AP3S1: variants seen among roughly 807,000 people sequenced by gnomAD.
AP3S1 encodes the protein AP-3 complex subunit sigma-1.
In AP3S1, 12 loss-of-function variants were observed where a neutral mutation model predicts 21.3. The ratio of observed to expected loss-of-function variants is 0.56; its 90% CI spans 0.36 to 0.91. The LOEUF (loss-of-function observed/expected upper bound fraction) is 0.91. AP3S1 is among the 40% of genes least tolerant of loss of function. The pLI, the probability that AP3S1 is intolerant of heterozygous loss-of-function variation, is 0.01. For synonymous variants in AP3S1, 48 were observed against 78.4 expected (o/e 0.61, Z 2.05); for missense variants, 116 against 225.0 (o/e 0.52, Z 3.10).
intron 5 of AP3S1, chr5:115,903,677 A>G (rs1046842323): frequency 2.0e-5 from 3 of 152,206 alleles, no homozygotes; most frequent in Admixed American, 6.5e-5. Context: ...TAAATGAGGA[A>G]CAGCCAGCAC....
intron 4 of AP3S1, among the ~76,000 whole-genome samples, chr5:115,896,350 G>C (rs1750753180): frequency 6.6e-6 from 1 of 152,156 alleles, no homozygotes; most frequent in Non-Finnish European, 1.5e-5. Context: ...ATTTTGGACA[G>C]TGTACTTAAG....
At position 115,865,861 on chromosome 5, in the gene AP3S1, C is replaced by T. The variant is rs146475070; in HGVS notation, c.70-809C>T. Among the ~76,000 whole-genome samples the T allele has an allele frequency of 1.3e-3, 196 of 152,232 alleles. 1 individual carries two copies. Among genetic ancestry groups the T allele is most frequent in the African/African-American group, 4.2e-3 (175 of 41,538 alleles). ...GTCGCCAGGCTGGAGTGCAGTGGCGCGATCTCAGCTCACTGTAATCTCTGC... is the reference window on the plus strand; with the variant it reads ...GTCGCCAGGCTGGAGTGCAGTGGCGTGATCTCAGCTCACTGTAATCTCTGC... On this transcript the variant is annotated intron_variant, in intron 1 of 5. Transcript: ENST00000316788.
chr5:115,903,185 G>C (rs921634847), intron 5 of AP3S1, 193 bp downstream of exon 5: 2 of 414,564 alleles, frequency 4.8e-6, no homozygotes, highest in East Asian at 1.0e-4. Context: ...CAACAGCTTT[G>C]TGTATTCTTC....
intron 5 of AP3S1, among the ~76,000 whole-genome samples, chr5:115,905,862 A>C (rs1751603899): frequency 6.6e-6 from 1 of 152,212 alleles, no homozygotes; most frequent in South Asian, 2.1e-4. Context: ...GACAAACTTA[A>C]TGACTTGTTT....
At chr5:115,881,401 C>A (rs964380027) in intron 3 of AP3S1, among the ~76,000 whole-genome samples, 4 of 152,126 alleles carry the variant, frequency 2.6e-5, no homozygotes, top group African/African-American at 9.7e-5. Context: ...CTGGTGGTGA[C>A]AAAATCTCTC....
chr5:115,881,609 A>G (rs532853880), intron 3 of AP3S1, among the ~76,000 whole-genome samples: 4 of 152,156 alleles, frequency 2.6e-5, no homozygotes, highest in Admixed American at 6.5e-5. Context: ...GGGTAACCCA[A>G]CCTTTCTCTC....
chr5:115,891,489 T>C (rs1750294992), intron 3 of AP3S1, among the ~76,000 whole-genome samples: 1 of 152,186 alleles, frequency 6.6e-6, no homozygotes. Flanking sequence ...TTGGGATTCT[T>C]GTGACCCCCC....
At chr5:115,895,419 C>T (rs529341666) in intron 4 of AP3S1, among the ~76,000 whole-genome samples, 41 of 152,226 alleles carry the variant, frequency 2.7e-4, no homozygotes, top group Non-Finnish European at 5.1e-4. Flanking sequence ...GGGGACACAG[C>T]TGAACCACTT....
intron 1 of AP3S1, among the ~76,000 whole-genome samples, chr5:115,859,661 G>A (rs1184279322): frequency 4.6e-5 from 7 of 152,190 alleles, no homozygotes; most frequent in Non-Finnish European, 1.0e-4. Flanking sequence ...TAAATTCAAG[G>A]GAGGGTGAAA....
chr5:115,870,763 C>G (rs567426401), intron 3 of AP3S1, among the ~76,000 whole-genome samples: 16 of 152,212 alleles, frequency 1.1e-4, no homozygotes, highest in Non-Finnish European at 2.2e-4. Context: ...ATCTCCATCT[C>G]TCCTTCATTG....
chr5:115,850,909 A>G (rs1762394170), intron 1 of AP3S1, among the ~76,000 whole-genome samples: 1 of 152,156 alleles, frequency 6.6e-6, no homozygotes, highest in African/African-American at 2.4e-5. Context: ...TAAAGGGGAC[A>G]TGGAGTGGGC....
intron 5 of AP3S1, chr5:115,906,768 T>G (rs529623612): frequency 1.5e-5 from 20 of 1,370,208 alleles, no homozygotes; most frequent in Middle Eastern, 3.7e-4. Flanking sequence ...CAGTCCTCTT[T>G]TTTTTCCGAA....
intron 1 of AP3S1, among the ~76,000 whole-genome samples, chr5:115,862,247 A>G (rs1390675597): frequency 1.3e-5 from 2 of 151,932 alleles, no homozygotes; most frequent in African/African-American, 2.4e-5. Flanking sequence ...GCTTTTTTTC[A>G]GTAAGTTTAT....
At chr5:115,876,664 GTCT>G (rs1276807023) in intron 3 of AP3S1, among the ~76,000 whole-genome samples, 14 of 152,114 alleles carry the variant, frequency 9.2e-5, no homozygotes, top group Admixed American at 8.5e-4. Flanking sequence ...TAGCTGCCAT[GTCT>G]TCTTAATCTC....
At position 115,866,702 on chromosome 5, in the gene AP3S1, G is replaced by T; in HGVS notation, c.102G>T (p.Glu34Asp). 1 of 1,606,246 alleles carries T rather than the reference G, an allele frequency of 6.2e-7. No homozygotes were observed. The highest frequency in any genetic ancestry group is 8.5e-7 in the Non-Finnish European group (1 of 1,175,150). The change falls in exon 2 of 6, where the codon GAG (glutamate) becomes GAT (aspartate). Residue 34 changes from glutamate (E) to aspartate (D), a missense_variant. By Grantham distance (45) the Glu-to-Asp change is conservative. Transcript: ENST00000316788. ...ATACACAACAGCAAATCATCAGGGA[G>T]ACTTTCCATTTGGTATCTAAGAGAG... ...SEDTQQQIIR[E>D]TFHLVSKRDE... is the part of the protein sequence containing the mutation.
intron 4 of AP3S1, among the ~76,000 whole-genome samples, chr5:115,896,877 T>C (rs1034560341): frequency 6.6e-6 from 1 of 152,216 alleles, no homozygotes; most frequent in African/African-American, 2.4e-5. Flanking sequence ...CTTATGTAAA[T>C]ACATTTACCA....
intron 3 of AP3S1, among the ~76,000 whole-genome samples, chr5:115,880,817 A>G (rs1749212199): frequency 6.6e-6 from 1 of 152,018 alleles, no homozygotes; most frequent in African/African-American, 2.4e-5. Context: ...CTCTCCCACT[A>G]TTATGTGGGA....
intron 2 of AP3S1, among the ~76,000 whole-genome samples, chr5:115,867,520 G>A (rs1050466500): frequency 1.3e-5 from 2 of 152,098 alleles, no homozygotes; most frequent in African/African-American, 4.8e-5. Flanking sequence ...TACTGTGTAT[G>A]ATGGATGAGA....
chr5:115,873,849 A>G (rs551319309), intron 3 of AP3S1, among the ~76,000 whole-genome samples: 1 of 152,268 alleles, frequency 6.6e-6, no homozygotes, highest in Non-Finnish European at 1.5e-5. Context: ...ATATTCTTTT[A>G]GAGAACAGAT....
Sources: allele counts gnomAD v4.1 joint callset (sites outside exome capture counted in the v4.1 genomes callset), GRCh38; gene constraint gnomAD v4.1.1; transcripts MANE v1.5; gene names NCBI Gene and HGNC (gene_info 2026-07-23, HGNC 2026-07-21).